The following PPP2R3A variants were observed in gnomAD, a reference collection of about 807,000 sequenced individuals.
PPP2R3A encodes serine/threonine-protein phosphatase 2A regulatory subunit B'' subunit alpha.
A neutral mutation model predicts 106.9 loss-of-function variants in PPP2R3A; 80 were observed. The ratio of observed to expected loss-of-function variants is 0.75; its 90% confidence interval spans 0.62 to 0.90. PPP2R3A has a LOEUF of 0.90. Ranked by LOEUF, PPP2R3A falls within the 40% of genes least tolerant of loss-of-function variation. The pLI is 0.00. For synonymous variants in PPP2R3A, 483 were observed against 468.3 expected, an observed-to-expected ratio of 1.03 and a Z score of -0.41; for missense variants, 1,386 against 1,350.4, an observed-to-expected ratio of 1.03 and a Z score of -0.41.
intron 4 of PPP2R3A, among the ~76,000 whole-genome samples, chr3:136,047,697 C>T (rs1401701194): frequency 6.6e-6 from 1 of 151,984 alleles, no homozygotes; most frequent in Admixed American, 6.6e-5. Flanking sequence ...GTCAGGAGAT[C>T]GATACCATCC....
chr3:136,126,908 C>G (rs1372573812), intron 13 of PPP2R3A, among the ~76,000 whole-genome samples: 10 of 152,162 alleles, frequency 6.6e-5, no homozygotes. Context: ...TCCAACAGAC[C>G]TGCAGCTGAG....
chr3:135,969,356 G>A (rs960868037), intron 1 of PPP2R3A, among the ~76,000 whole-genome samples: 1 of 152,160 alleles, frequency 6.6e-6, no homozygotes, highest in Non-Finnish European at 1.5e-5. Flanking sequence ...TAATTGATAG[G>A]ATTTGGTGGT....
chr3:136,030,761 C>CATATATATATATAT (rs374923726), intron 3 of PPP2R3A, among the ~76,000 whole-genome samples: 1,572 of 99,674 alleles, frequency 0.016, 42 homozygotes, highest in Non-Finnish European at 0.022. Context: ...TATTCCATCA[C>CATATATATATATAT]ATATATATAT....
intron 8 of PPP2R3A, among the ~76,000 whole-genome samples, chr3:136,085,087 T>C (rs900270772): frequency 6.6e-6 from 1 of 152,150 alleles, no homozygotes; most frequent in Non-Finnish European, 1.5e-5. Context: ...ATCTGAGATA[T>C]GGGAGGAGCC....
chr3:136,104,968 T>G (rs1937478709), intron 12 of PPP2R3A, among the ~76,000 whole-genome samples: 1 of 152,238 alleles, frequency 6.6e-6, no homozygotes, highest in South Asian at 2.1e-4. Context: ...AATGGTATAA[T>G]TATTGATATT....
intron 2 of PPP2R3A, chr3:136,023,098 G>A: frequency 1.2e-6 from 2 of 1,613,424 alleles, no homozygotes; most frequent in South Asian, 1.1e-5. Flanking sequence ...TCTCTACGAA[G>A]GGACCCGGAT....
chr3:135,977,381 A>G (rs1195833496), intron 1 of PPP2R3A, among the ~76,000 whole-genome samples: 1 of 152,210 alleles, frequency 6.6e-6, no homozygotes, highest in Non-Finnish European at 1.5e-5. Context: ...TTTCCACTTA[A>G]AGATAACAGT....
rs200480295 is a variant in PPP2R3A, at chr3:136,026,992, C to T, written c.2156C>T (p.Pro719Leu). 1.2e-6 allele frequency: 2 copies of T among 1,612,930 alleles called. No individual in the cohort carries two copies. The highest frequency in any genetic ancestry group is 1.7e-6 in the Non-Finnish European group (2 of 1,178,978). The part of the protein sequence containing the change: ...IPRFYFPEGL[P>L]DTCSNHEQTL... Reference sequence around the variant, plus strand: ...CGGTTCTACTTTCCTGAAGGACTCCCAGATACCTGTAGTAATCATGAACAA... The same window carrying T: ...CGGTTCTACTTTCCTGAAGGACTCCTAGATACCTGTAGTAATCATGAACAA... Residue 719 changes from proline to leucine, a missense_variant, in exon 3 of 14, where the codon CCA becomes CTA. Transcript: ENST00000264977.
chr3:136,023,411 C>T (rs1214486509), intron 2 of PPP2R3A, among the ~76,000 whole-genome samples: 1 of 151,990 alleles, frequency 6.6e-6, no homozygotes, highest in Non-Finnish European at 1.5e-5. Context: ...TAAAAATAGA[C>T]CTTCTGGACC....
At chr3:136,065,240 T>TA (rs1936227165) in intron 5 of PPP2R3A, among the ~76,000 whole-genome samples, 1 of 152,182 alleles carries the variant, frequency 6.6e-6, no homozygotes. Context: ...ATCAATATTT[T>TA]CTAAAGTTGA....
In PPP2R3A at chr3:136,147,155, C is replaced by A. The variant is rs980865573; in HGVS notation, c.*1989C>A. 6.6e-6 allele frequency: 1 copy of A among 152,064 alleles called. No individual in the cohort carries two copies. Among genetic ancestry groups the A allele is most frequent in the African/African-American group, 2.4e-5 (1 of 41,388 alleles). The allele number at this position is 152,064 out of a possible 1,614,324, so 9.4% of individuals were successfully genotyped here. Reference sequence around the variant, plus strand: ...AGGCCAAGGGAGGTGATCACTTGAGCCCAGGAGTAAAGACCAGCCTGGGCA... The same window carrying A: ...AGGCCAAGGGAGGTGATCACTTGAGACCAGGAGTAAAGACCAGCCTGGGCA... On this transcript the variant is annotated 3_prime_UTR_variant, in exon 14 of 14. Transcript: ENST00000264977.
chr3:136,139,887 T>G (rs1023048229), intron 13 of PPP2R3A, among the ~76,000 whole-genome samples: 1 of 150,076 alleles, frequency 6.7e-6, no homozygotes, highest in African/African-American at 2.5e-5. Flanking sequence ...ATGCCTGTAA[T>G]CCCAGCTACT....
intron 13 of PPP2R3A, among the ~76,000 whole-genome samples, chr3:136,119,022 T>C (rs1392932555): frequency 6.6e-6 from 1 of 151,970 alleles, no homozygotes; most frequent in Non-Finnish European, 1.5e-5. Context: ...CCAAAACAGA[T>C]ATATAAACCA....
At chr3:136,033,169 G>A (rs189532175) in intron 3 of PPP2R3A, among the ~76,000 whole-genome samples, 49 of 152,264 alleles carry the variant, frequency 3.2e-4, no homozygotes, top group Non-Finnish European at 6.5e-4. Flanking sequence ...TTTTTGTGGT[G>A]TATCACATCT....
chr3:135,982,351 C>T (rs1364977853), intron 1 of PPP2R3A, among the ~76,000 whole-genome samples: 2 of 152,112 alleles, frequency 1.3e-5, no homozygotes, highest in Non-Finnish European at 2.9e-5. Flanking sequence ...GCCTCATCTG[C>T]AAAATACAGG....
At chr3:136,087,245 GTCTC>G (rs34566151) in intron 8 of PPP2R3A, among the ~76,000 whole-genome samples, 5,389 of 74,936 alleles carry the variant, frequency 0.072, 143 homozygotes, top group Middle Eastern at 0.12. Context: ...CTCTAGTCGT[GTCTC>G]TCTCTCTCTC....
intron 13 of PPP2R3A, among the ~76,000 whole-genome samples, chr3:136,128,733 T>C (rs1372733767): frequency 6.6e-6 from 1 of 152,074 alleles, no homozygotes; most frequent in Non-Finnish European, 1.5e-5. Flanking sequence ...CAGCACCACA[T>C]CACACTTATT....
intron 1 of PPP2R3A, among the ~76,000 whole-genome samples, chr3:135,975,969 T>C (rs947142380): frequency 4.6e-5 from 7 of 152,240 alleles, no homozygotes; most frequent in African/African-American, 1.2e-4. Flanking sequence ...TTAAAAGTTG[T>C]ACAAAATGGT....
chr3:136,053,120 G>A (rs746940433), intron 5 of PPP2R3A, among the ~76,000 whole-genome samples: 2 of 152,078 alleles, frequency 1.3e-5, no homozygotes, highest in Non-Finnish European at 2.9e-5. Context: ...CAGACACTGC[G>A]GTCTACTTGA....
Sources: allele counts gnomAD v4.1 joint callset (sites outside exome capture counted in the v4.1 genomes callset), GRCh38; gene constraint gnomAD v4.1.1; transcripts MANE v1.5; gene names NCBI Gene and HGNC (gene_info 2026-07-23, HGNC 2026-07-21).